Variants in LAMA1 observed in about 807,000 individuals in gnomAD.
LAMA1 encodes laminin subunit alpha 1.
LAMA1 carries 219 observed loss-of-function variants against 348.7 expected under a neutral mutation model. The ratio of observed to expected loss-of-function variants is 0.63; its 90% CI spans 0.56 to 0.70. The LOEUF is 0.70. LAMA1 is among the 30% of genes least tolerant of loss of function. The pLI is 0.00. For missense variants in LAMA1, 3,744 were observed against 3,888.0 expected (o/e 0.96, Z 0.99); for synonymous variants, 1,487 against 1,491.0 (o/e 1.00, Z 0.06).
chr18:6,985,435 C>T (rs776844819), intron 38 of LAMA1, 35 bp from the exon 39 acceptor site: 1 of 1,610,724 alleles, frequency 6.2e-7, no homozygotes, highest in East Asian at 2.2e-5. Flanking sequence ...AATATATGCA[C>T]ATCTACTTAA....
chr18:6,990,460 A>G, intron 36 of LAMA1, among the ~76,000 whole-genome samples: 1 of 152,070 alleles, frequency 6.6e-6, no homozygotes, highest in East Asian at 1.9e-4. Flanking sequence ...GAGGAAGGTT[A>G]GGGAGCAGAG....
chr18:7,110,340 G>A (rs900836336), intron 1 of LAMA1, among the ~76,000 whole-genome samples: 2 of 152,020 alleles, frequency 1.3e-5, no homozygotes, highest in African/African-American at 4.8e-5. Context: ...TTGGATAAGG[G>A]GATACAGAAA....
At chr18:6,979,253 G>A (rs1026196606) in intron 42 of LAMA1, among the ~76,000 whole-genome samples, 1 of 152,144 alleles carries the variant, frequency 6.6e-6, no homozygotes, top group Non-Finnish European at 1.5e-5. Context: ...TAAGAAGTAA[G>A]CCCAATGCAG....
chr18:7,099,832 G>A (rs1444033610), intron 1 of LAMA1, among the ~76,000 whole-genome samples: 1 of 151,960 alleles, frequency 6.6e-6, no homozygotes, highest in East Asian at 1.9e-4. Flanking sequence ...GCTGAGGAGG[G>A]CAGATCATGA....
At chr18:6,981,069 C>G (rs544367279) in intron 41 of LAMA1, among the ~76,000 whole-genome samples, 16 of 151,242 alleles carry the variant, frequency 1.1e-4, no homozygotes, top group Non-Finnish European at 2.1e-4. Flanking sequence ...TGCCACTGCA[C>G]TCCAGCCTGG....
intron 19 of LAMA1, among the ~76,000 whole-genome samples, chr18:7,021,527 A>G (rs540547884): frequency 5.3e-5 from 8 of 152,124 alleles, no homozygotes; most frequent in Non-Finnish European, 8.8e-5. Flanking sequence ...AGGAAAATGT[A>G]GCATCCTAAT....
At chr18:7,104,173 T>C (rs2058302642) in intron 1 of LAMA1, among the ~76,000 whole-genome samples, 2 of 151,980 alleles carry the variant, frequency 1.3e-5, no homozygotes, top group African/African-American at 4.8e-5. Flanking sequence ...GAGACAGGGT[T>C]TCACCATGTG....
intron 4 of LAMA1, among the ~76,000 whole-genome samples, chr18:7,049,562 A>T (rs867903644): frequency 1.3e-5 from 2 of 152,242 alleles, no homozygotes; most frequent in South Asian, 4.1e-4. Context: ...GCCTCCCAAA[A>T]TGCTGGGATT....
intron 61 of LAMA1, among the ~76,000 whole-genome samples, chr18:6,944,374 C>A (rs1181017963): frequency 6.6e-6 from 1 of 152,188 alleles, no homozygotes; most frequent in Non-Finnish European, 1.5e-5. Context: ...TTCTGATGAA[C>A]TGTAGATGCT....
chr18:6,979,706 T>G (rs1475761136), intron 42 of LAMA1, among the ~76,000 whole-genome samples: 1 of 152,098 alleles, frequency 6.6e-6, no homozygotes, highest in Non-Finnish European at 1.5e-5. Context: ...GAGACCATCC[T>G]GGCTAACACG....
chr18:7,020,516 C>T lies in LAMA1; in HGVS notation c.2701+2648G>A, dbSNP rs78228432. 2.8e-3 allele frequency among the ~76,000 whole-genome samples: 433 copies of T among 152,212 alleles called. 3 individuals carry two copies. The highest frequency in any genetic ancestry group is 9.8e-3 in the African/African-American group (405 of 41,524). ...CTGTTATAGAAATGGAAGGACTGCT[C>T]GTGGGATATGCAGAAACAGTTCACA... On this transcript the variant is annotated intron_variant, in intron 19 of 62. Coordinates refer to ENST00000389658, the MANE Select transcript of LAMA1 (RefSeq NM_005559.4).
chr18:6,977,947 TTG>T, intron 43 of LAMA1, 66 bp from the exon 44 acceptor site: 23 of 1,548,488 alleles, frequency 1.5e-5, no homozygotes, highest in Middle Eastern at 1.7e-4. Flanking sequence ...AGATAATTAA[TTG>T]TCCATTAACA....
Position 7,105,507 on chromosome 18 carries a change from C to A in LAMA1, c.61+12153G>T, listed in dbSNP as rs1486225696. 2.0e-5 allele frequency among the ~76,000 whole-genome samples: 3 copies of A among 151,864 alleles called. No individual in the cohort carries two copies. In the East Asian group the frequency reaches 5.8e-4, roughly 29 times the overall value. On this transcript the variant is annotated intron_variant, in intron 1 of 62. Coordinates refer to ENST00000389658, the MANE Select transcript of LAMA1 (RefSeq NM_005559.4). ...AAACAAGAGCAGAAGAGGACAGGAG[C>A]AGTAGGTGAATAAAGACAGCTAGAC...
At chr18:6,976,901 G>C (rs491088) in intron 44 of LAMA1, among the ~76,000 whole-genome samples, 1 of 151,992 alleles carries the variant, frequency 6.6e-6, no homozygotes, top group Non-Finnish European at 1.5e-5. Context: ...TGAGCTACCA[G>C]GCCCAGCCTG....
chr18:7,101,482 A>G (rs1417779849), intron 1 of LAMA1, among the ~76,000 whole-genome samples: 1 of 152,110 alleles, frequency 6.6e-6, no homozygotes, highest in Non-Finnish European at 1.5e-5. Flanking sequence ...ATGGCCTAGG[A>G]CTTGTTATGA....
intron 3 of LAMA1, among the ~76,000 whole-genome samples, chr18:7,072,212 C>A (rs2058149029): frequency 6.6e-6 from 1 of 152,124 alleles, no homozygotes; most frequent in African/African-American, 2.4e-5. Flanking sequence ...TAATTAGATT[C>A]TATTAAGGCC....
intron 6 of LAMA1, among the ~76,000 whole-genome samples, chr18:7,045,810 C>T (rs1358845288): frequency 2.0e-5 from 3 of 152,146 alleles, no homozygotes; most frequent in African/African-American, 7.2e-5. Context: ...CCACCCGCCT[C>T]TGCCTCCCAA....
chr18:6,975,178 T>C, intron 45 of LAMA1, 142 bp from the exon 46 acceptor site: 3 of 1,084,596 alleles, frequency 2.8e-6, no homozygotes, highest in Non-Finnish European at 3.8e-6. Context: ...CCAAATCTAT[T>C]TTCTTTTGTT....
intron 23 of LAMA1, among the ~76,000 whole-genome samples, chr18:7,013,582 G>T (rs1413265941): frequency 6.6e-6 from 1 of 151,934 alleles, no homozygotes; most frequent in Non-Finnish European, 1.5e-5. Context: ...AAAACTTCAG[G>T]GCAGTTTTCA....
Sources: gnomAD v4.1 joint callset for allele counts (sites outside exome capture counted in the v4.1 genomes callset) on GRCh38, gnomAD v4.1.1 for gene constraint, MANE v1.5 for transcripts, NCBI Gene and HGNC (gene_info 2026-07-23, HGNC 2026-07-21) for gene names.